Variants in DLG2 observed in about 807,000 individuals in gnomAD.
DLG2 encodes the protein discs large MAGUK scaffold protein 2, also known as disks large homolog 2.
A neutral mutation model predicts 132.5 loss-of-function variants in DLG2; 45 were observed. The observed-to-expected ratio is 0.34, with a 90% CI of 0.27 to 0.44. The LOEUF (loss-of-function observed/expected upper bound fraction) is 0.44. Ranked by LOEUF, DLG2 falls within the 20% of genes least tolerant of loss-of-function variation. The pLI is 1.00. For missense variants in DLG2, 1,045 were observed against 1,196.9 expected, an observed-to-expected ratio of 0.87 and a Z score of 1.87; for synonymous variants, 424 against 419.6, an observed-to-expected ratio of 1.01 and a Z score of -0.13.
chr11:84,220,344 A>G (rs1426511116), intron 8 of DLG2, among the ~76,000 whole-genome samples: 1 of 152,178 alleles, frequency 6.6e-6, no homozygotes, highest in African/African-American at 2.4e-5. Context: ...GTAAGTATCT[A>G]TAATACTCAC....
At chr11:83,682,475 T>G in intron 18 of DLG2, 1 of 979,032 alleles carries the variant, frequency 1.0e-6, no homozygotes, top group Non-Finnish European at 1.2e-6. Context: ...TGTACCACTA[T>G]TAACCAATAA....
rs2057627675 is a variant in DLG2, at chr11:84,996,124, G to A, written c.357+115537C>T. On this transcript the variant is annotated intron_variant, in intron 6 of 27. Coordinates refer to ENST00000376104, the MANE Select transcript of DLG2 (RefSeq NM_001142699.3). ...ATTATGTTGACACAAAAGTAATCAT[G>A]ACAACATAATATAAATAACTTAATA... Among the ~76,000 whole-genome samples, 5 of 151,796 alleles carry A rather than the reference G, an allele frequency of 3.3e-5. No individual in the cohort carries two copies. In the South Asian group the frequency reaches 1.0e-3, roughly 32 times the overall value.
intron 6 of DLG2, among the ~76,000 whole-genome samples, chr11:84,968,099 A>C (rs2154113014): frequency 6.6e-6 from 1 of 152,286 alleles, no homozygotes; most frequent in East Asian, 1.9e-4. Flanking sequence ...ATAATAACCA[A>C]ATGTAAATAT....
intron 6 of DLG2, among the ~76,000 whole-genome samples, chr11:84,776,086 A>G (rs2070427514): frequency 6.6e-6 from 1 of 152,090 alleles, no homozygotes; most frequent in Non-Finnish European, 1.5e-5. Context: ...TATTTAACCT[A>G]TTAAGTATTT....
rs1047945764 is a variant in DLG2 at position 85,088,753 on chromosome 11, C to T, written c.357+22908G>A. On this transcript the variant is annotated intron_variant, in intron 6 of 27. Coordinates refer to ENST00000376104, the MANE Select transcript of DLG2 (RefSeq NM_001142699.3). ...CCCTTTAAGCTTGTTAAAGAAAAAT[C>T]AAAATAGAAGCCCAAGTTTAGAATA... Among the ~76,000 whole-genome samples, 7 of 152,004 alleles carry T rather than the reference C, an allele frequency of 4.6e-5. No homozygotes were observed. In the East Asian group the frequency reaches 1.3e-3, roughly 29 times the overall value.
intron 15 of DLG2, among the ~76,000 whole-genome samples, chr11:83,923,269 G>T (rs960803806): frequency 2.0e-5 from 3 of 152,130 alleles, no homozygotes; most frequent in Non-Finnish European, 4.4e-5. Context: ...CTAGTGCCTG[G>T]ATGAAAATTC....
intron 6 of DLG2, among the ~76,000 whole-genome samples, chr11:84,777,642 T>C (rs2070909869): frequency 6.6e-6 from 1 of 151,554 alleles, no homozygotes; most frequent in Non-Finnish European, 1.5e-5. Context: ...ATTTATTTTG[T>C]TTCTTTAAAA....
intron 4 of DLG2, among the ~76,000 whole-genome samples, chr11:85,256,627 C>T (rs1202778474): frequency 6.6e-6 from 1 of 152,150 alleles, no homozygotes; most frequent in Non-Finnish European, 1.5e-5. Flanking sequence ...CACCCTAGCT[C>T]CTGCACCCGC....
intron 26 of DLG2, 125 bp from the exon 27 acceptor site, chr11:83,462,218 T>C: frequency 3.1e-6 from 2 of 650,710 alleles, no homozygotes; most frequent in Non-Finnish European, 5.4e-6. Flanking sequence ...GTTTTTAGTC[T>C]TCATTCAGGA....
chr11:85,292,883 A>G (rs932637637), intron 3 of DLG2, among the ~76,000 whole-genome samples: 1 of 152,034 alleles, frequency 6.6e-6, no homozygotes, highest in African/African-American at 2.4e-5. Context: ...CAGGATGAGA[A>G]CAAGGAAATT....
At position 84,138,326 on chromosome 11, in the gene DLG2, C is replaced by G. The variant is rs146015924; in HGVS notation, c.624+25135G>C. 1.7e-3 allele frequency among the ~76,000 whole-genome samples: 261 copies of G among 152,312 alleles called. 2 individuals are homozygous for G. Among genetic ancestry groups the G allele is most frequent in the Middle Eastern group, 6.8e-3 (2 of 294 alleles). On this transcript the variant is annotated intron_variant, in intron 9 of 27. Transcript: ENST00000376104. Reference sequence around the variant, plus strand: ...CCCTTCTTATTCAGAACAGCCAAGTCTGAGTGATGCATAGGTTGTCCAGGC... The same window carrying G: ...CCCTTCTTATTCAGAACAGCCAAGTGTGAGTGATGCATAGGTTGTCCAGGC...
chr11:83,490,069 T>G (rs2093751670), intron 21 of DLG2, among the ~76,000 whole-genome samples: 1 of 152,064 alleles, frequency 6.6e-6, no homozygotes, highest in Non-Finnish European at 1.5e-5. Context: ...AGATTTTGTC[T>G]TCTGGATGCC....
intron 6 of DLG2, among the ~76,000 whole-genome samples, chr11:84,884,129 A>T (rs1339424159): frequency 6.6e-6 from 1 of 152,130 alleles, no homozygotes; most frequent in East Asian, 1.9e-4. Flanking sequence ...TCAAAACACA[A>T]ATTAGGATAT....
At chr11:84,248,315 G>A (rs1470209964) in intron 8 of DLG2, among the ~76,000 whole-genome samples, 1 of 150,444 alleles carries the variant, frequency 6.6e-6, no homozygotes, top group African/African-American at 2.4e-5. Flanking sequence ...CCTCATAAGT[G>A]TTTATTTTTT....
rs925765039 is a variant in DLG2 at position 85,570,467 on chromosome 11, G to C, written c.40+28190C>G. ...GAGAAATCAATGGTTAATCCTATTA[G>C]ACTCCCTTGTACTAATGAGTTGCTT... On this transcript the variant is annotated intron_variant, in intron 3 of 27. Coordinates refer to ENST00000376104, the MANE Select transcript of DLG2 (RefSeq NM_001142699.3). 3.3e-5 allele frequency among the ~76,000 whole-genome samples: 5 copies of C among 152,192 alleles called. No homozygotes were observed. In the East Asian group the frequency reaches 7.7e-4, roughly 24 times the overall value.
intron 3 of DLG2, among the ~76,000 whole-genome samples, chr11:85,482,259 A>T (rs1482246802): frequency 6.6e-6 from 1 of 151,614 alleles, no homozygotes; most frequent in Admixed American, 6.6e-5. Flanking sequence ...TCCAGGCTCC[A>T]CCCAGTCCAA....
At chr11:85,485,496 T>A (rs1242075445) in intron 3 of DLG2, among the ~76,000 whole-genome samples, 1 of 151,932 alleles carries the variant, frequency 6.6e-6, no homozygotes, top group Non-Finnish European at 1.5e-5. Flanking sequence ...GAATAGTAAA[T>A]AAACACTTTG....
intron 7 of DLG2, among the ~76,000 whole-genome samples, chr11:84,377,988 T>C (rs2098735809): frequency 6.6e-6 from 1 of 152,164 alleles, no homozygotes; most frequent in South Asian, 2.1e-4. Flanking sequence ...TACAGAGAGC[T>C]GAAAGCCCAA....
intron 3 of DLG2, among the ~76,000 whole-genome samples, chr11:85,549,047 C>G (rs1437151691): frequency 6.6e-6 from 1 of 152,080 alleles, no homozygotes; most frequent in Non-Finnish European, 1.5e-5. Flanking sequence ...GAAAAAAAAA[C>G]TCCTGCGGCT....
Sources: allele counts gnomAD v4.1 joint callset (sites outside exome capture counted in the v4.1 genomes callset), GRCh38; gene constraint gnomAD v4.1.1; transcripts MANE v1.5; gene names NCBI Gene and HGNC (gene_info 2026-07-23, HGNC 2026-07-21).